Variants in INTS15 observed in about 807,000 individuals in gnomAD.
The protein encoded by INTS15 is integrator complex subunit 15, also known as uncharacterized protein C7orf26.
At chr7:6,591,837 G>T in the INTS15 span, 1 of 1,614,024 alleles carries the variant, frequency 6.2e-7, no homozygotes, top group Non-Finnish European at 8.5e-7. Flanking sequence ...GTCGAATCCC[G>T]GTGTTGGAGT....
the INTS15 span, chr7:6,607,429 C>A: frequency 4.5e-6 from 3 of 672,732 alleles, no homozygotes; most frequent in Non-Finnish European, 2.1e-6. This position sits in a 1 kb window ranked among gnomAD's most constrained non-coding sequence, Gnocchi z 6.0. Context: ...GAAGCTGAGG[C>A]TGCGCGGGGC....
chr7:6,593,655 T>G, the INTS15 span, among the ~76,000 whole-genome samples: 2 of 149,846 alleles, frequency 1.3e-5, no homozygotes, highest in South Asian at 2.1e-4. Context: ...TTCTGTTTTT[T>G]TTTTTTTTTT....
the INTS15 span, chr7:6,602,551 G>A: frequency 7.3e-6 from 3 of 409,134 alleles, no homozygotes; most frequent in Non-Finnish European, 1.0e-5. Context: ...CCTGGGTTCT[G>A]GGCGCGGCCC....
the INTS15 span, chr7:6,594,329 TGGAA>T: frequency 1.7e-6 from 2 of 1,150,012 alleles, no homozygotes; most frequent in Admixed American, 2.0e-5. Flanking sequence ...TTTTTTGTCT[TGGAA>T]GTGGTTCTGC....
the INTS15 span, chr7:6,608,076 A>ACCCCCCCCCCCCCCCCCC: frequency 2.5e-5 from 29 of 1,143,466 alleles, no homozygotes; most frequent in Non-Finnish European, 3.1e-5. Context: ...GTCCCGGCCC[A>ACCCCCCCCCCCCCCCCCC]CCCCGCCGCC....
At chr7:6,590,712 C>G in the INTS15 span, among the ~76,000 whole-genome samples, 1 of 152,248 alleles carries the variant, frequency 6.6e-6, no homozygotes, top group Non-Finnish European at 1.5e-5. Context: ...AAGGGACAAA[C>G]TGGCGACTGC....
At chr7:6,590,569 C>T in the INTS15 span, 29 of 1,399,742 alleles carry the variant, frequency 2.1e-5, no homozygotes, top group Non-Finnish European at 2.5e-5. Flanking sequence ...CGCGGGCGCC[C>T]CATGTCCAGG....
At chr7:6,602,224 G>C in the INTS15 span, 1 of 1,132,864 alleles carries the variant, frequency 8.8e-7, no homozygotes, top group Non-Finnish European at 1.3e-6. Context: ...CCTTTGTCCT[G>C]GGTTCTTTGG....
At chr7:6,592,983 G>C in the INTS15 span, among the ~76,000 whole-genome samples, 1 of 152,028 alleles carries the variant, frequency 6.6e-6, no homozygotes, top group Non-Finnish European at 1.5e-5. Flanking sequence ...GCAGTTCACT[G>C]ACTCTCCTGA....
the INTS15 span, chr7:6,608,434 C>T: frequency 7.5e-7 from 1 of 1,332,452 alleles, no homozygotes; most frequent in Non-Finnish European, 9.6e-7. Context: ...CTGTTCTCTG[C>T]GCATTTCAGA....
chr7:6,603,100 A>G, the INTS15 span, among the ~76,000 whole-genome samples: 1 of 148,952 alleles, frequency 6.7e-6, no homozygotes, highest in African/African-American at 2.5e-5. Flanking sequence ...AAATACAAAA[A>G]TTAGCCGGGC....
At chr7:6,590,190 G>C in the INTS15 span, 2 of 1,174,446 alleles carry the variant, frequency 1.7e-6, no homozygotes, top group Non-Finnish European at 2.2e-6. Context: ...CCCAGGCCCG[G>C]GTCGCGCCTC....
At chr7:6,590,331 C>A in the INTS15 span, 1 of 1,596,208 alleles carries the variant, frequency 6.3e-7, no homozygotes, top group Non-Finnish European at 8.5e-7. Flanking sequence ...CGCTGAGCGC[C>A]GCCAAGGAGG....
the INTS15 span, chr7:6,591,666 G>A: frequency 1.2e-6 from 2 of 1,614,162 alleles, no homozygotes; most frequent in Non-Finnish European, 8.5e-7. Flanking sequence ...CCCTTCAGGA[G>A]CTTCAACTTC....
At chr7:6,590,650 CTCAGCTGCCTG>C in the INTS15 span, among the ~76,000 whole-genome samples, 1 of 152,198 alleles carries the variant, frequency 6.6e-6, no homozygotes, top group African/African-American at 2.4e-5. Context: ...TGCAGTGTTG[CTCAGCTGCCTG>C]TCCAGTCTGC....
the INTS15 span, chr7:6,591,676 C>T: frequency 1.9e-6 from 3 of 1,614,186 alleles, no homozygotes. Flanking sequence ...GCTTCAACTT[C>T]TTGAAATCAT....
At chr7:6,590,616 G>A in the INTS15 span, 1 of 1,389,470 alleles carries the variant, frequency 7.2e-7, no homozygotes, top group Middle Eastern at 2.6e-4. Flanking sequence ...TCCTGCAGCA[G>A]CCCCCAAACC....
the INTS15 span, chr7:6,600,292 G>A: frequency 2.6e-5 from 42 of 1,613,990 alleles, no homozygotes; most frequent in Admixed American, 3.3e-5. Flanking sequence ...TTGAGCTCTC[G>A]CTGGACCGGC....
At chr7:6,608,512 T>A in the INTS15 span, 1 of 1,161,746 alleles carries the variant, frequency 8.6e-7, no homozygotes, top group Non-Finnish European at 1.1e-6. Flanking sequence ...CTGGCCTCTT[T>A]CCTCGTGAAG....
Sources: allele counts gnomAD v4.1 joint callset (sites outside exome capture counted in the v4.1 genomes callset), GRCh38; gene constraint gnomAD v4.1.1; non-coding constraint Gnocchi (gnomAD v3.1); transcripts MANE v1.5; gene names NCBI Gene and HGNC (gene_info 2026-07-23, HGNC 2026-07-21).